Variants in PEX13 observed in about 807,000 individuals in gnomAD.
The protein encoded by PEX13 is peroxisomal biogenesis factor 13, also known as peroxisome biogenesis factor 13.
Under a neutral mutation model 34.5 loss-of-function variants are expected in PEX13, and 28 were observed. The observed-to-expected ratio is 0.81, with a 90% CI of 0.60 to 1.11. The LOEUF (loss-of-function observed/expected upper bound fraction) is 1.11. Among genes scored for constraint, PEX13 ranks in the 50% most tolerant of loss-of-function variants. PEX13 has a pLI of 0.00. For missense variants in PEX13, 550 were observed against 491.0 expected (o/e 1.12, Z -1.13); for synonymous variants, 177 against 175.1 (o/e 1.01, Z -0.09).
rs918023178 is a variant in PEX13 at position 61,051,112 on chromosome 2, C to A, written c.*2342C>A. The A allele has an allele frequency of 1.3e-5, 2 of 152,204 alleles. No individual in the cohort carries two copies. Among genetic ancestry groups the A allele is most frequent in the Non-Finnish European group, 2.9e-5 (2 of 68,030 alleles). The allele number at this position is 152,204 out of a possible 1,614,324, so 9.4% of individuals were successfully genotyped here. A position where few individuals can be genotyped will look rare whatever the true frequency, so the allele number is the denominator to read the frequency against. ...TTATAATAGAAATCTTGACCCAGTG[C>A]AGAAAAATAAATATAGTAAAATTTA... On this transcript the variant is annotated 3_prime_UTR_variant, in exon 4 of 4. Transcript: ENST00000295030.
At chr2:61,017,929 T>A in intron 1 of PEX13, 78 bp downstream of exon 1, 1 of 1,434,832 alleles carries the variant, frequency 7.0e-7, no homozygotes. Context: ...TAGCGGTTGT[T>A]AGTGGAGGTA....
chr2:61,038,106 G>T (rs1406518571), intron 2 of PEX13, among the ~76,000 whole-genome samples: 1 of 152,140 alleles, frequency 6.6e-6, no homozygotes, highest in Non-Finnish European at 1.5e-5. Context: ...AATTGAAGCA[G>T]TAATTAATAA....
chr2:61,025,703 A>G (rs1305841889), intron 1 of PEX13, among the ~76,000 whole-genome samples: 2 of 152,182 alleles, frequency 1.3e-5, no homozygotes, highest in Non-Finnish European at 2.9e-5. Context: ...GTATATAGAC[A>G]GTTTAATGTG....
chr2:61,024,715 C>T (rs975695972), intron 1 of PEX13, among the ~76,000 whole-genome samples: 4 of 152,058 alleles, frequency 2.6e-5, no homozygotes, highest in African/African-American at 7.2e-5. Context: ...AGGCTGAGGC[C>T]GGAGAATGGT....
intron 1 of PEX13, among the ~76,000 whole-genome samples, chr2:61,029,140 A>AG (rs35012687): frequency 0.067 from 28 of 416 alleles, 1 homozygote; most frequent in East Asian, 0.37. Flanking sequence ...CCCTGTCTCC[A>AG]AAAAAAAAAA....
At chr2:61,033,349 T>C (rs1045163942) in intron 2 of PEX13, among the ~76,000 whole-genome samples, 7 of 152,162 alleles carry the variant, frequency 4.6e-5, no homozygotes, top group Non-Finnish European at 8.8e-5. Context: ...GAGGATGTAG[T>C]TACTGACTAA....
intron 2 of PEX13, among the ~76,000 whole-genome samples, chr2:61,044,585 C>G (rs918102130): frequency 6.6e-6 from 1 of 152,090 alleles, no homozygotes; most frequent in Non-Finnish European, 1.5e-5. Flanking sequence ...GGAGTTTCTC[C>G]ATGTTGGTCA....
chr2:61,044,793 AG>A (rs1490397310), intron 2 of PEX13, among the ~76,000 whole-genome samples: 3 of 152,246 alleles, frequency 2.0e-5, no homozygotes, highest in African/African-American at 7.2e-5. Context: ...TTGACTCACA[AG>A]TAATGTCACA....
At chr2:61,046,893 T>A (rs1283884315) in intron 3 of PEX13, among the ~76,000 whole-genome samples, 1 of 152,162 alleles carries the variant, frequency 6.6e-6, no homozygotes. Context: ...AAATTTTGGA[T>A]GAGATTACTA....
intron 1 of PEX13, chr2:61,018,333 C>T (rs777873596): frequency 1.1e-5 from 16 of 1,523,206 alleles, no homozygotes; most frequent in Non-Finnish European, 1.4e-5. Context: ...GCCCCGTACA[C>T]TTTGCATTCT....
chr2:61,041,146 T>C (rs1229398842), intron 2 of PEX13, among the ~76,000 whole-genome samples: 2 of 152,086 alleles, frequency 1.3e-5, no homozygotes, highest in African/African-American at 4.8e-5. Context: ...CTGTGCGGCA[T>C]AGGGAAAACC....
chr2:61,029,449 A>G (rs909362029), intron 1 of PEX13, among the ~76,000 whole-genome samples: 2 of 152,212 alleles, frequency 1.3e-5, no homozygotes, highest in South Asian at 4.1e-4. Context: ...AAGGCTAAAT[A>G]TAGAGTTTCC....
chr2:61,017,738 G>A lies in PEX13; in HGVS notation c.-22G>A. 6.5e-7 allele frequency: 1 copy of A among 1,544,924 alleles called. No individual in the cohort carries two copies. Among genetic ancestry groups the A allele is most frequent in the Non-Finnish European group, 8.7e-7 (1 of 1,143,188 alleles). Reference sequence around the variant, plus strand: ...CCTGGACAGTCAGGGGTAGGAGCGGGAGCCGAGAGGAGGCGGAGGAGATGG... The same window carrying A: ...CCTGGACAGTCAGGGGTAGGAGCGGAAGCCGAGAGGAGGCGGAGGAGATGG... On this transcript the variant is annotated 5_prime_UTR_variant, in exon 1 of 4. Coordinates refer to ENST00000295030, the MANE Select transcript of PEX13 (RefSeq NM_002618.4).
chr2:61,031,291 C>G (rs1680444826), intron 1 of PEX13, 128 bp from the exon 2 acceptor site: 1 of 763,276 alleles, frequency 1.3e-6, no homozygotes, highest in Non-Finnish European at 2.3e-6. Context: ...GACCCTGTCT[C>G]TAAATCAATT....
At chr2:61,025,016 C>G (rs928021021) in intron 1 of PEX13, among the ~76,000 whole-genome samples, 1 of 152,090 alleles carries the variant, frequency 6.6e-6, no homozygotes, top group Non-Finnish European at 1.5e-5. Flanking sequence ...TATAATAACT[C>G]TATTATCTAG....
intron 1 of PEX13, among the ~76,000 whole-genome samples, chr2:61,026,197 T>C (rs560226929): frequency 2.6e-5 from 4 of 152,266 alleles, no homozygotes; most frequent in African/African-American, 9.6e-5. Flanking sequence ...TTGGGAGGGT[T>C]AATCTAATTA....
rs542358978 is a variant in PEX13, at chr2:61,030,457, A to T, written c.93-962A>T. Among the ~76,000 whole-genome samples, 206 of 151,992 alleles carry T rather than the reference A, an allele frequency of 1.4e-3. 1 individual carries two copies. Among genetic ancestry groups the T allele is most frequent in the Non-Finnish European group, 1.6e-3 (111 of 67,976 alleles). ...TCTGTTTAGTGCCAGGTTTTTTCAC[A>T]TTTTTTTATGGTGATTTTGCTGTCT... On this transcript the variant is annotated intron_variant, in intron 1 of 3. Transcript: ENST00000295030.
At chr2:61,028,766 C>T (rs1351442528) in intron 1 of PEX13, among the ~76,000 whole-genome samples, 2 of 152,082 alleles carry the variant, frequency 1.3e-5, no homozygotes, top group African/African-American at 4.8e-5. Flanking sequence ...GGATTGTTCT[C>T]ATTTAGAAAA....
Position 61,031,592 on chromosome 2 carries a change from T to A in PEX13, c.266T>A (p.Phe89Tyr). ...SSGYGAYGNS[F>Y]YGGYSPYSYG... ...GGATATGGTGCCTATGGAAATTCAT[T>A]TTATGGAGGCTATAGTCCTTATAGT... Residue 89 changes from phenylalanine (F) to tyrosine (Y), a missense_variant, in exon 2 of 4, where the codon TTT becomes TAT. Phe to Tyr is a conservative substitution (Grantham distance 22, BLOSUM62 3). Coordinates refer to ENST00000295030, the MANE Select transcript of PEX13 (RefSeq NM_002618.4). 1 of 1,614,176 alleles carries A rather than the reference T, an allele frequency of 6.2e-7. No individual in the cohort carries two copies. Among genetic ancestry groups the A allele is most frequent in the East Asian group, 2.2e-5 (1 of 44,888 alleles).
Sources: allele counts gnomAD v4.1 joint callset (sites outside exome capture counted in the v4.1 genomes callset), GRCh38; gene constraint gnomAD v4.1.1; transcripts MANE v1.5; gene names NCBI Gene and HGNC (gene_info 2026-07-23, HGNC 2026-07-21).